Variants in LIMCH1 observed in about 807,000 individuals in gnomAD.
LIMCH1 encodes LIM and calponin homology domains 1.
In LIMCH1, 113 loss-of-function variants were observed where a neutral mutation model predicts 176.5. That is an observed-to-expected ratio of 0.64 (90% CI 0.55 to 0.75). The LOEUF (loss-of-function observed/expected upper bound fraction) is 0.75. Among genes scored for constraint, LIMCH1 ranks in the 30% least tolerant of loss-of-function variants. The probability of loss-of-function intolerance (pLI) is 0.00; values close to 1 mark genes in which losing one functional copy is unlikely to be tolerated. For synonymous variants in LIMCH1, 619 were observed against 645.9 expected (o/e 0.96, Z 0.63); for missense variants, 1,674 against 1,814.9 (o/e 0.92, Z 1.41).
chr4:41,549,225 C>T (rs1255769996), intron 1 of LIMCH1, among the ~76,000 whole-genome samples: 1 of 152,144 alleles, frequency 6.6e-6, no homozygotes, highest in Non-Finnish European at 1.5e-5. Flanking sequence ...TTAGTACCTA[C>T]AATATGCCAG....
At chr4:41,694,411 C>A (rs185703170) in intron 31 of LIMCH1, among the ~76,000 whole-genome samples, 501 of 152,266 alleles carry the variant, frequency 3.3e-3, no homozygotes, top group South Asian at 6.6e-3. Context: ...CATGTACACA[C>A]AGAGATACAT....
At chr4:41,640,454 A>G (rs1012092025) in intron 14 of LIMCH1, among the ~76,000 whole-genome samples, 2 of 152,224 alleles carry the variant, frequency 1.3e-5, no homozygotes, top group African/African-American at 4.8e-5. Context: ...CTTCACCCAC[A>G]GGAAAAGTTA....
rs73146317 is a variant in LIMCH1 at position 41,549,213 on chromosome 4, A to G, written c.-241+10863A>G. Reference sequence around the variant, plus strand: ...GGCCTGTTAATATTAACTACCATTTATTTAGTACCTACAATATGCCAGATA... The same window carrying G: ...GGCCTGTTAATATTAACTACCATTTGTTTAGTACCTACAATATGCCAGATA... On this transcript the variant is annotated intron_variant, in intron 1 of 31. Transcript: ENST00000503057. Among the ~76,000 whole-genome samples, 1,299 of 152,220 alleles carry G rather than the reference A, an allele frequency of 8.5e-3. 25 individuals carry two copies. Among genetic ancestry groups the G allele is most frequent in the African/African-American group, 0.03 (1,237 of 41,532 alleles).
Position 41,606,142 on chromosome 4 carries a change from C to G in LIMCH1, c.9+138C>G, listed in dbSNP as rs992689109. 9 of 583,524 alleles carry G rather than the reference C, an allele frequency of 1.5e-5. No homozygotes were observed. In the East Asian group the frequency reaches 2.8e-4, roughly 18 times the overall value. 36.1% of individuals were successfully genotyped at this position (583,524 alleles called of 1,614,324 possible). A position where few individuals can be genotyped will look rare whatever the true frequency, so the allele number is the denominator to read the frequency against. On this transcript the variant is annotated intron_variant, in intron 4 of 31. Coordinates refer to ENST00000503057, the MANE Select transcript of LIMCH1 (RefSeq NM_001330672.2). ...AGATATGCACTCAAGGAAACGATCA[C>G]TTGTCTTACCAATGACATCTTTGCC...
chr4:41,367,480 G>GCCCCA (rs1203133677), intron 1 of LIMCH1, among the ~76,000 whole-genome samples: 1 of 151,974 alleles, frequency 6.6e-6, no homozygotes, highest in Admixed American at 6.6e-5. Context: ...GTTAGGGACT[G>GCCCCA]CCCCACCCAT....
In LIMCH1 at chr4:41,652,289, C is replaced by T. The variant is rs559380686; in HGVS notation, c.3036+1681C>T. Among the ~76,000 whole-genome samples, 25 of 152,014 alleles carry T rather than the reference C, an allele frequency of 1.6e-4. No homozygotes were observed. The East Asian group carries it at 3.1e-3, about 19-fold the overall frequency. ...GAGTTGAGAAGATATAATTCTTCCA[C>T]GCAGTACCCAAGTGCTCTGTGAAAG... On this transcript the variant is annotated intron_variant, in intron 18 of 31. Coordinates refer to ENST00000503057, the MANE Select transcript of LIMCH1 (RefSeq NM_001330672.2).
intron 2 of LIMCH1, among the ~76,000 whole-genome samples, chr4:41,515,130 C>G (rs866320997): frequency 1.3e-5 from 2 of 152,204 alleles, no homozygotes; most frequent in Non-Finnish European, 2.9e-5. Flanking sequence ...ATCCTCAGGA[C>G]GGCAAGTGAG....
At chr4:41,586,175 C>T (rs918417690) in intron 1 of LIMCH1, among the ~76,000 whole-genome samples, 1 of 147,902 alleles carries the variant, frequency 6.8e-6, no homozygotes, top group Non-Finnish European at 1.5e-5. Context: ...GTAGCGTGAT[C>T]TCAGCTCACT....
At chr4:41,561,590 T>A (rs2082071991) in intron 1 of LIMCH1, among the ~76,000 whole-genome samples, 1 of 152,278 alleles carries the variant, frequency 6.6e-6, no homozygotes, top group African/African-American at 2.4e-5. Context: ...GTGTGCCTTA[T>A]CTCATATGAA....
At chr4:41,611,306 G>A (rs1274426553) in intron 4 of LIMCH1, among the ~76,000 whole-genome samples, 1 of 152,196 alleles carries the variant, frequency 6.6e-6, no homozygotes, top group Non-Finnish European at 1.5e-5. Flanking sequence ...GTTTGTGTGA[G>A]TACACACTGT....
chr4:41,408,813 G>T (rs2059220569), intron 1 of LIMCH1, among the ~76,000 whole-genome samples: 1 of 152,188 alleles, frequency 6.6e-6, no homozygotes, highest in Non-Finnish European at 1.5e-5. Flanking sequence ...ATTGTATTGA[G>T]GGTAAGCTTC....
intron 17 of LIMCH1, among the ~76,000 whole-genome samples, chr4:41,649,142 G>A (rs1045205370): frequency 1.3e-5 from 2 of 152,224 alleles, no homozygotes; most frequent in Non-Finnish European, 2.9e-5. Context: ...GCTCACACCT[G>A]TAATGCCAGC....
intron 1 of LIMCH1, among the ~76,000 whole-genome samples, chr4:41,489,642 A>G (rs760425338): frequency 6.6e-6 from 1 of 152,134 alleles, no homozygotes; most frequent in Non-Finnish European, 1.5e-5. Context: ...GCAATCAGAT[A>G]ACATATTTTG....
intron 1 of LIMCH1, among the ~76,000 whole-genome samples, chr4:41,466,898 ACT>A (rs1433928137): frequency 6.6e-6 from 1 of 151,722 alleles, no homozygotes; most frequent in African/African-American, 2.4e-5. Context: ...TAAAACCGAA[ACT>A]CTGTACCCAT....
chr4:41,605,675 G>A (rs531383310), intron 3 of LIMCH1, among the ~76,000 whole-genome samples: 5 of 152,250 alleles, frequency 3.3e-5, no homozygotes, highest in South Asian at 4.1e-4. Flanking sequence ...CGCTGGAGTC[G>A]TTTTAACTAC....
chr4:41,544,406 G>T (rs770726570), intron 1 of LIMCH1, among the ~76,000 whole-genome samples: 33 of 152,104 alleles, frequency 2.2e-4, no homozygotes, highest in Non-Finnish European at 8.8e-5. Context: ...GTTTTTCTTG[G>T]CAAGACTTGA....
intron 18 of LIMCH1, among the ~76,000 whole-genome samples, chr4:41,651,467 C>A (rs767083326): frequency 6.6e-5 from 10 of 152,158 alleles, no homozygotes; most frequent in Non-Finnish European, 1.3e-4. Context: ...TTGGGAGACA[C>A]AATTCAACCT....
At chr4:41,555,290 A>G (rs1220221764) in intron 1 of LIMCH1, among the ~76,000 whole-genome samples, 1 of 152,176 alleles carries the variant, frequency 6.6e-6, no homozygotes, top group Non-Finnish European at 1.5e-5. Context: ...GATGGGCATA[A>G]ATGTGAAGGA....
chr4:41,544,463 G>C (rs992948368), intron 1 of LIMCH1, among the ~76,000 whole-genome samples: 2 of 152,322 alleles, frequency 1.3e-5, no homozygotes, highest in Admixed American at 1.3e-4. Flanking sequence ...GAGGGGAGCA[G>C]TTGAGTCTGG....
Sources: allele counts gnomAD v4.1 joint callset (sites outside exome capture counted in the v4.1 genomes callset), GRCh38; gene constraint gnomAD v4.1.1; transcripts MANE v1.5; gene names NCBI Gene and HGNC (gene_info 2026-07-23, HGNC 2026-07-21).